BMP7: variants seen among roughly 807,000 people sequenced by gnomAD.
The protein encoded by BMP7 is bone morphogenetic protein 7.
BMP7 carries 12 observed loss-of-function variants against 41.2 expected under a neutral mutation model. The observed-to-expected ratio is 0.29, with a 90% CI of 0.19 to 0.47. The LOEUF (loss-of-function observed/expected upper bound fraction) is 0.47. BMP7 is among the 20% of genes least tolerant of loss of function. BMP7 has a pLI of 0.99. For missense variants in BMP7, 467 were observed against 606.0 expected, an observed-to-expected ratio of 0.77 and a Z score of 2.41; for synonymous variants, 248 against 250.0, an observed-to-expected ratio of 0.99 and a Z score of 0.07.
chr20:57,240,763 C>T (rs1413604917), intron 1 of BMP7, among the ~76,000 whole-genome samples: 1 of 152,210 alleles, frequency 6.6e-6, no homozygotes, highest in African/African-American at 2.4e-5. Flanking sequence ...AACCCCTGAT[C>T]AAACCATCAG....
At chr20:57,239,119 C>G (rs1156418330) in intron 1 of BMP7, among the ~76,000 whole-genome samples, 1 of 152,200 alleles carries the variant, frequency 6.6e-6, no homozygotes, top group Non-Finnish European at 1.5e-5. Context: ...AGTCCAAAGT[C>G]TCATCTGAGA....
At position 57,266,050 on chromosome 20, in the gene BMP7, G is replaced by A. The variant is rs1264171723; in HGVS notation, c.73C>T (p.Arg25Cys). ...VALWAPLFLL[R>C]SALADFSLDN... ...AGGCTGAAGTCGGCCAGGGCGGAGC[G>A]CAGCAGGAACAGGGGTGCCCAGAGC... The change falls in exon 1 of 7, where the codon CGC becomes TGC. Residue 25 changes from arginine (R) to cysteine (C), a missense_variant. By Grantham distance (180) the Arg-to-Cys change is radical (BLOSUM62 -3). Coordinates refer to ENST00000395863, the MANE Select transcript of BMP7 (RefSeq NM_001719.3). The A allele has an allele frequency of 6.5e-7, 1 of 1,543,110 alleles. No homozygotes were observed. Among genetic ancestry groups the A allele is most frequent in the Non-Finnish European group, 8.7e-7 (1 of 1,146,826 alleles).
chr20:57,216,468 G>C (rs1444238044), intron 2 of BMP7, among the ~76,000 whole-genome samples: 1 of 152,126 alleles, frequency 6.6e-6, no homozygotes, highest in African/African-American at 2.4e-5. Context: ...AGCTCCAGAG[G>C]GGTGCACCTG....
intron 6 of BMP7, among the ~76,000 whole-genome samples, chr20:57,172,190 A>G (rs532850018): frequency 6.6e-6 from 1 of 152,306 alleles, no homozygotes; most frequent in East Asian, 1.9e-4. Context: ...TCCAGGGGAT[A>G]CTGGCACAGC....
At chr20:57,218,809 G>A (rs1165783501) in intron 2 of BMP7, among the ~76,000 whole-genome samples, 2 of 148,612 alleles carry the variant, frequency 1.3e-5, no homozygotes, top group African/African-American at 5.0e-5. Flanking sequence ...GCTGGTGTTT[G>A]TTTGGTGGTA....
chr20:57,184,543 G>A (rs2123068440), intron 3 of BMP7, among the ~76,000 whole-genome samples: 1 of 152,222 alleles, frequency 6.6e-6, no homozygotes, highest in Admixed American at 6.5e-5. Flanking sequence ...AGTCAGGTCG[G>A]GTCCTATGGG....
At chr20:57,249,444 T>C (rs1009401964) in intron 1 of BMP7, among the ~76,000 whole-genome samples, 3 of 152,092 alleles carry the variant, frequency 2.0e-5, no homozygotes, top group African/African-American at 7.2e-5. Context: ...ACGAAACAGC[T>C]TCCCATGGAA....
intron 4 of BMP7, among the ~76,000 whole-genome samples, chr20:57,182,827 T>G (rs769492002): frequency 6.6e-6 from 1 of 152,286 alleles, no homozygotes; most frequent in Non-Finnish European, 1.5e-5. Context: ...TTATATTTAC[T>G]GTTAATGTTT....
At chr20:57,178,917 A>G (rs1984001843) in intron 4 of BMP7, among the ~76,000 whole-genome samples, 1 of 152,140 alleles carries the variant, frequency 6.6e-6, no homozygotes, top group Non-Finnish European at 1.5e-5. Context: ...ATCTATTAGC[A>G]ATGTCTGTCA....
Position 57,170,736 on chromosome 20 carries a change from T to C in BMP7, c.*223A>G. ...CGTTGTTTTTTTTTCCTGCTAGGTTTTGCCTGCACAGCTTGTAGGATCTTG... is the reference window on the plus strand; with the variant it reads ...CGTTGTTTTTTTTTCCTGCTAGGTTCTGCCTGCACAGCTTGTAGGATCTTG... On this transcript the variant is annotated 3_prime_UTR_variant, in exon 7 of 7. Transcript: ENST00000395863. The C allele has an allele frequency of 1.7e-6, 1 of 582,032 alleles. No homozygotes were observed. Among genetic ancestry groups the C allele is most frequent in the Non-Finnish European group, 3.0e-6 (1 of 336,640 alleles). 36.1% of individuals were successfully genotyped at this position (582,032 alleles called of 1,614,324 possible).
At chr20:57,223,417 T>A (rs1398998926) in intron 2 of BMP7, among the ~76,000 whole-genome samples, 1 of 152,122 alleles carries the variant, frequency 6.6e-6, no homozygotes, top group East Asian at 1.9e-4. Context: ...CCTCTGTGAT[T>A]CTATTGCACA....
rs1246761752 is a variant in BMP7 at position 57,224,159 on chromosome 20, T to C, written c.611+4070A>G. Among the ~76,000 whole-genome samples, 2 of 152,096 alleles carry C rather than the reference T, an allele frequency of 1.3e-5. No individual in the cohort carries two copies. The highest frequency in any genetic ancestry group is 2.9e-5 in the Non-Finnish European group (2 of 68,006). ...AGGCCTCCTCTGCCAATCCATCCTG[T>C]GTGGTGGGGACAGGCAGGGGGCAGC... On this transcript the variant is annotated intron_variant, in intron 2 of 6. Coordinates refer to ENST00000395863, the MANE Select transcript of BMP7 (RefSeq NM_001719.3). This position sits in a 1 kb window ranked among gnomAD's most constrained non-coding sequence, Gnocchi z 4.8.
intron 1 of BMP7, among the ~76,000 whole-genome samples, chr20:57,234,297 C>T (rs1207520659): frequency 1.3e-5 from 2 of 152,210 alleles, no homozygotes; most frequent in Non-Finnish European, 2.9e-5. Context: ...GTTCGCTCTC[C>T]CCGCCTTGAT....
rs1451502241 is a variant in BMP7, at chr20:57,169,997, T to C, written c.*962A>G. On this transcript the variant is annotated 3_prime_UTR_variant, in exon 7 of 7. Transcript: ENST00000395863. The stretch of plus-strand genomic sequence containing the variant: ...GTCTCGAACTCCTGACCTCAAATGA[T>C]CCGCCCACCTCAGCCTCCCAAAGTG... The C allele has an allele frequency of 6.6e-6, 1 of 152,158 alleles. No homozygotes were observed. Among genetic ancestry groups the C allele is most frequent in the African/African-American group, 2.4e-5 (1 of 41,420 alleles). The allele number at this position is 152,158 out of a possible 1,614,324, so 9.4% of individuals were successfully genotyped here. A position where few individuals can be genotyped will look rare whatever the true frequency, so the allele number is the denominator to read the frequency against.
At chr20:57,252,108 A>G (rs1304629124) in intron 1 of BMP7, among the ~76,000 whole-genome samples, 1 of 152,254 alleles carries the variant, frequency 6.6e-6, no homozygotes, top group East Asian at 1.9e-4. Flanking sequence ...ACCCTGTCGC[A>G]GCGGCAGTAA....
chr20:57,183,493 G>A (rs1432268722), intron 4 of BMP7, among the ~76,000 whole-genome samples: 2 of 152,096 alleles, frequency 1.3e-5, no homozygotes, highest in Non-Finnish European at 1.5e-5. Context: ...TACATGCTTG[G>A]TGTTGTGTTA....
intron 1 of BMP7, among the ~76,000 whole-genome samples, chr20:57,247,310 T>C (rs2066094281): frequency 6.6e-6 from 1 of 152,194 alleles, no homozygotes; most frequent in Non-Finnish European, 1.5e-5. Flanking sequence ...TCTTCTTTGC[T>C]CCATCATTGT....
At chr20:57,193,996 T>C (rs1237344660) in intron 3 of BMP7, among the ~76,000 whole-genome samples, 1 of 152,196 alleles carries the variant, frequency 6.6e-6, no homozygotes, top group Non-Finnish European at 1.5e-5. Context: ...AGCCCCCTCG[T>C]GCCTGACCTT....
Position 57,174,902 on chromosome 20 carries a change from A to G in BMP7, c.1035+29T>C, listed in dbSNP as rs2123057845. On this transcript the variant is annotated intron_variant, in intron 5 of 6. Transcript: ENST00000395863. This position sits in a 1 kb window ranked among gnomAD's most constrained non-coding sequence, Gnocchi z 4.3. ...TGGGAGCCCACGCCAGAGGGCCCACACCCAAGACAGACCCAGCCAGCCCCT... is the reference window on the plus strand; with the variant it reads ...TGGGAGCCCACGCCAGAGGGCCCACGCCCAAGACAGACCCAGCCAGCCCCT... 6.2e-7 allele frequency: 1 copy of G among 1,603,646 alleles called. No homozygotes were observed. Among genetic ancestry groups the G allele is most frequent in the Non-Finnish European group, 8.5e-7 (1 of 1,177,484 alleles).
Sources: gnomAD v4.1 joint callset for allele counts (sites outside exome capture counted in the v4.1 genomes callset) on GRCh38, gnomAD v4.1.1 for gene constraint, Gnocchi (gnomAD v3.1) non-coding constraint, MANE v1.5 for transcripts, NCBI Gene and HGNC (gene_info 2026-07-23, HGNC 2026-07-21) for gene names.